Variants in FGF14 observed in about 807,000 individuals in gnomAD.
FGF14 encodes the protein fibroblast growth factor homologous factor 4.
FGF14 carries 5 observed loss-of-function variants against 25.5 expected under a neutral mutation model. That is an observed-to-expected ratio of 0.20 (90% CI 0.10 to 0.41). The LOEUF is 0.41. Ranked by LOEUF, FGF14 falls within the 10% of genes least tolerant of loss-of-function variation. FGF14 has a pLI of 1.00. For synonymous variants in FGF14, 138 were observed against 118.3 expected (o/e 1.17, Z -1.08); for missense variants, 222 against 320.1 (o/e 0.69, Z 2.34).
intron 1 of FGF14, among the ~76,000 whole-genome samples, chr13:101,998,348 T>G (rs566386589): frequency 1.3e-5 from 2 of 152,166 alleles, no homozygotes; most frequent in East Asian, 3.9e-4. Flanking sequence ...TTTTGATGTA[T>G]GATTTAAGAC....
intron 1 of FGF14, among the ~76,000 whole-genome samples, chr13:102,067,708 CAG>C (rs898928424): frequency 8.1e-5 from 12 of 148,264 alleles, no homozygotes; most frequent in Admixed American, 1.4e-4. Context: ...AGAGGAGAGA[CAG>C]AGAGAGAGAG....
At position 101,903,765 on chromosome 13, in the gene FGF14, G is replaced by T. The variant is rs117295488; in HGVS notation, c.193+12688C>A. On this transcript the variant is annotated intron_variant, in intron 1 of 4. Transcript: ENST00000376143. ...GAGTCTAAGCCAACCCTAAAGAAAG[G>T]GGGTAAGGCAGAGACAGGGAGACAG... 1.2e-4 allele frequency among the ~76,000 whole-genome samples: 19 copies of T among 152,304 alleles called. No homozygotes were observed. The South Asian group carries it at 3.9e-3, about 32-fold the overall frequency.
intron 1 of FGF14, among the ~76,000 whole-genome samples, chr13:102,036,692 G>A (rs1377518891): frequency 2.0e-5 from 3 of 151,892 alleles, no homozygotes; most frequent in East Asian, 1.9e-4. Flanking sequence ...GAAGGAGGAG[G>A]ATGAGGAGGA....
At chr13:101,995,212 CCT>C (rs1340481069) in intron 1 of FGF14, among the ~76,000 whole-genome samples, 1 of 151,762 alleles carries the variant, frequency 6.6e-6, no homozygotes, top group African/African-American at 2.4e-5. Context: ...TGTTGTTTTC[CCT>C]CTCTCTTTGA....
chr13:102,288,523 C>T (rs920424492), intron 1 of FGF14, among the ~76,000 whole-genome samples: 1 of 151,814 alleles, frequency 6.6e-6, no homozygotes, highest in Non-Finnish European at 1.5e-5. Flanking sequence ...AATACATTTC[C>T]TATATTTTTA....
intron 1 of FGF14, among the ~76,000 whole-genome samples, chr13:101,997,745 A>C (rs1043270136): frequency 1.3e-5 from 2 of 152,214 alleles, no homozygotes; most frequent in Non-Finnish European, 2.9e-5. Context: ...GGAGTTTAGA[A>C]GTTGCAGTAT....
chr13:101,831,947 T>C (rs541446075), intron 3 of FGF14, among the ~76,000 whole-genome samples: 2 of 152,206 alleles, frequency 1.3e-5, no homozygotes, highest in African/African-American at 4.8e-5. Context: ...GTAGAATGAA[T>C]AATGGCCACC....
chr13:102,273,548 A>G (rs1439636270), intron 1 of FGF14, among the ~76,000 whole-genome samples: 2 of 152,244 alleles, frequency 1.3e-5, no homozygotes, highest in Non-Finnish European at 2.9e-5. Context: ...AGTAAAAAAT[A>G]GTTACATTTT....
At chr13:102,113,639 C>T (rs1021661597) in intron 1 of FGF14, among the ~76,000 whole-genome samples, 1 of 152,188 alleles carries the variant, frequency 6.6e-6, no homozygotes, top group Non-Finnish European at 1.5e-5. Context: ...AGTTCCAAAT[C>T]TCTTTACAGT....
chr13:102,208,877 A>G (rs1243031332), intron 1 of FGF14, among the ~76,000 whole-genome samples: 3 of 152,208 alleles, frequency 2.0e-5, no homozygotes, highest in African/African-American at 7.2e-5. Flanking sequence ...ATATAAAAAG[A>G]CACTAGCAAA....
At chr13:101,975,955 C>A (rs1332418169) in intron 1 of FGF14, among the ~76,000 whole-genome samples, 2 of 152,174 alleles carry the variant, frequency 1.3e-5, no homozygotes, top group Non-Finnish European at 2.9e-5. Context: ...CAACCACGGC[C>A]TGGTTCTGTG....
chr13:102,345,149 A>G (rs2057067676), intron 1 of FGF14, among the ~76,000 whole-genome samples: 1 of 152,208 alleles, frequency 6.6e-6, no homozygotes, highest in African/African-American at 2.4e-5. Context: ...TTCCCTTTCA[A>G]GAGATACTCT....
chr13:101,798,778 A>G (rs1354022513), intron 3 of FGF14, among the ~76,000 whole-genome samples: 1 of 152,262 alleles, frequency 6.6e-6, no homozygotes, highest in Middle Eastern at 3.4e-3. Flanking sequence ...ACTGAAATGT[A>G]GGATTAAGGA....
At chr13:102,319,565 A>G (rs1309201416) in intron 1 of FGF14, among the ~76,000 whole-genome samples, 1 of 152,240 alleles carries the variant, frequency 6.6e-6, no homozygotes. Context: ...AATTGCATAC[A>G]ATAACAACTT....
At chr13:102,128,524 T>G (rs1222480353) in intron 1 of FGF14, among the ~76,000 whole-genome samples, 2 of 152,172 alleles carry the variant, frequency 1.3e-5, no homozygotes, top group Non-Finnish European at 2.9e-5. Context: ...AAATCAAACT[T>G]ACTGGGCTTT....
At chr13:102,067,343 C>T (rs1204852097) in intron 1 of FGF14, among the ~76,000 whole-genome samples, 1 of 152,076 alleles carries the variant, frequency 6.6e-6, no homozygotes, top group African/African-American at 2.4e-5. Flanking sequence ...ATGGAAATAA[C>T]ACTTTTTTAT....
chr13:102,000,152 AAAAAATAC>A (rs2039407064), intron 1 of FGF14, among the ~76,000 whole-genome samples: 1 of 151,940 alleles, frequency 6.6e-6, no homozygotes, highest in African/African-American at 2.4e-5. Context: ...CGTCTCTACT[AAAAAATAC>A]AAAAAAAAAT....
At chr13:102,054,186 T>C (rs1282499781) in intron 1 of FGF14, among the ~76,000 whole-genome samples, 1 of 152,166 alleles carries the variant, frequency 6.6e-6, no homozygotes, top group Non-Finnish European at 1.5e-5. Context: ...TTTTTAAAAA[T>C]GTAACTTAAG....
intron 3 of FGF14, among the ~76,000 whole-genome samples, chr13:101,814,500 G>T (rs908415717): frequency 2.0e-5 from 3 of 152,106 alleles, no homozygotes; most frequent in Admixed American, 6.5e-5. Context: ...AGACAATCAT[G>T]CAATCATAAC....
Sources: gnomAD v4.1 joint callset for allele counts (sites outside exome capture counted in the v4.1 genomes callset) on GRCh38, gnomAD v4.1.1 for gene constraint, MANE v1.5 for transcripts, NCBI Gene and HGNC (gene_info 2026-07-23, HGNC 2026-07-21) for gene names.